The following OLFM3 variants were observed in gnomAD, a reference collection of about 807,000 sequenced individuals.
OLFM3 encodes noelin-3.
OLFM3 carries 20 observed loss-of-function variants against 48.6 expected under a neutral mutation model. That is an observed-to-expected ratio of 0.41 (90% CI 0.29 to 0.60). The LOEUF (loss-of-function observed/expected upper bound fraction) is 0.60. Among genes scored for constraint, OLFM3 ranks in the 20% least tolerant of loss-of-function variants. OLFM3 has a pLI of 0.28. For missense variants in OLFM3, 437 were observed against 544.3 expected, an observed-to-expected ratio of 0.80 and a Z score of 1.96; for synonymous variants, 222 against 198.1, an observed-to-expected ratio of 1.12 and a Z score of -1.01.
At chr1:101,902,108 G>T (rs373096510) in intron 1 of OLFM3, among the ~76,000 whole-genome samples, 2 of 151,806 alleles carry the variant, frequency 1.3e-5, no homozygotes, top group Non-Finnish European at 2.9e-5. Context: ...ATATAGAAAA[G>T]GAATAAATTT....
At chr1:101,868,793 G>C (rs1656958107) in intron 1 of OLFM3, among the ~76,000 whole-genome samples, 1 of 152,192 alleles carries the variant, frequency 6.6e-6, no homozygotes, top group Non-Finnish European at 1.5e-5. Flanking sequence ...GCAGCCTTGG[G>C]ACAAGGTTCC....
intron 4 of OLFM3, among the ~76,000 whole-genome samples, chr1:101,818,125 C>T (rs1307052171): frequency 6.6e-6 from 1 of 152,032 alleles, no homozygotes; most frequent in Non-Finnish European, 1.5e-5. Context: ...TTTACCTTTT[C>T]TGGGATTAAG....
chr1:101,836,248 T>C (rs1208273904), intron 2 of OLFM3, among the ~76,000 whole-genome samples: 1 of 152,212 alleles, frequency 6.6e-6, no homozygotes. Flanking sequence ...GATTCATTGG[T>C]TTTCCTCCCT....
At chr1:101,948,457 G>C (rs1208460337) in intron 1 of OLFM3, among the ~76,000 whole-genome samples, 1 of 146,430 alleles carries the variant, frequency 6.8e-6, no homozygotes, top group African/African-American at 2.8e-5. Flanking sequence ...TTGTATGAGA[G>C]AGAGAGAGAG....
At chr1:101,868,250 T>A (rs574840682) in intron 1 of OLFM3, among the ~76,000 whole-genome samples, 1 of 152,256 alleles carries the variant, frequency 6.6e-6, no homozygotes, top group South Asian at 2.1e-4. Flanking sequence ...TTGGAACAGT[T>A]GGAGGGCTCA....
chr1:101,949,812 C>T (rs1226215385), intron 1 of OLFM3, among the ~76,000 whole-genome samples: 1 of 151,624 alleles, frequency 6.6e-6, no homozygotes, highest in Admixed American at 6.6e-5. Flanking sequence ...CACCTGTAGT[C>T]CCAGCTACTC....
At chr1:101,859,628 A>G (rs1253659015) in intron 1 of OLFM3, among the ~76,000 whole-genome samples, 1 of 152,134 alleles carries the variant, frequency 6.6e-6, no homozygotes, top group African/African-American at 2.4e-5. Flanking sequence ...CCAAAATCCA[A>G]AATGCTCCAG....
chr1:101,962,058 C>A (rs888022365), intron 1 of OLFM3, among the ~76,000 whole-genome samples: 5 of 152,060 alleles, frequency 3.3e-5, no homozygotes, highest in African/African-American at 1.2e-4. Context: ...TTTCCGCTTG[C>A]CGTGTAATAG....
intron 1 of OLFM3, among the ~76,000 whole-genome samples, chr1:101,855,481 C>A (rs996370028): frequency 6.6e-6 from 1 of 151,996 alleles, no homozygotes; most frequent in Non-Finnish European, 1.5e-5. Flanking sequence ...AAAAAATAGC[C>A]AATATTGATT....
At chr1:101,929,079 C>T (rs1345767016) in intron 1 of OLFM3, among the ~76,000 whole-genome samples, 3 of 152,136 alleles carry the variant, frequency 2.0e-5, no homozygotes, top group Non-Finnish European at 4.4e-5. Flanking sequence ...CAAACTGTCA[C>T]ATGCTTTCTA....
intron 1 of OLFM3, among the ~76,000 whole-genome samples, chr1:101,838,974 A>G (rs905092884): frequency 6.6e-6 from 1 of 152,176 alleles, no homozygotes; most frequent in African/African-American, 2.4e-5. Context: ...TGAAAGCTTT[A>G]ATGATAACTA....
At chr1:101,875,125 T>A (rs114645368) in intron 1 of OLFM3, among the ~76,000 whole-genome samples, 1,718 of 152,172 alleles carry the variant, frequency 0.011, 30 homozygotes, top group African/African-American at 0.038. Context: ...AAAAATTAAA[T>A]GATTCTGTAT....
chr1:101,843,423 A>G (rs1655827622), intron 1 of OLFM3, among the ~76,000 whole-genome samples: 1 of 152,164 alleles, frequency 6.6e-6, no homozygotes, highest in South Asian at 2.1e-4. Context: ...CATTCAAGAG[A>G]CGCGCCAGAG....
In OLFM3 at chr1:101,996,836, C is replaced by T. The variant is rs1290486109; in HGVS notation, c.-20G>A. ...CTGCATTCTGATCTGGGTTTTTGCC[C>T]CTCTTTACTCTCTTTTATGTAGGCT... On this transcript the variant is annotated 5_prime_UTR_variant, in exon 1 of 6. Transcript: ENST00000370103. The T allele has an allele frequency of 6.2e-7, 1 of 1,613,604 alleles. No individual in the cohort carries two copies. The highest frequency in any genetic ancestry group is 8.5e-7 in the Non-Finnish European group (1 of 1,179,694).
chr1:101,925,046 T>C (rs1453372999), intron 1 of OLFM3, among the ~76,000 whole-genome samples: 1 of 152,158 alleles, frequency 6.6e-6, no homozygotes, highest in Non-Finnish European at 1.5e-5. Context: ...AATTTATGTT[T>C]AAATTAATGA....
intron 1 of OLFM3, among the ~76,000 whole-genome samples, chr1:101,977,525 T>A (rs1162127251): frequency 6.6e-6 from 1 of 152,256 alleles, no homozygotes; most frequent in East Asian, 1.9e-4. Context: ...ATTTCAGAAC[T>A]GGGAGGGACA....
intron 1 of OLFM3, among the ~76,000 whole-genome samples, chr1:101,849,040 G>A (rs974767644): frequency 2.0e-5 from 3 of 152,164 alleles, no homozygotes; most frequent in African/African-American, 7.2e-5. Flanking sequence ...ATTTTCCAGA[G>A]ATGCAAATTA....
At position 101,804,933 on chromosome 1, in the gene OLFM3, A is replaced by G. The variant is rs750915096; in HGVS notation, c.700-18T>C. ...TACCAGACCTGAGAAGAAGGAAAAAAATAAATGGAGTGACTAAATTCTGTA... is the reference window on the plus strand; with the variant it reads ...TACCAGACCTGAGAAGAAGGAAAAAGATAAATGGAGTGACTAAATTCTGTA... On this transcript the variant is annotated intron_variant, in intron 5 of 5. Transcript: ENST00000370103. This position sits in a 1 kb window ranked among gnomAD's most constrained non-coding sequence, Gnocchi z 4.5. 2 of 1,575,010 alleles carry G rather than the reference A, an allele frequency of 1.3e-6. No individual in the cohort carries two copies. Among genetic ancestry groups the G allele is most frequent in the Admixed American group, 1.8e-5 (1 of 57,104 alleles).
intron 1 of OLFM3, among the ~76,000 whole-genome samples, chr1:101,917,308 TAAGC>T (rs1372321751): frequency 1.3e-5 from 2 of 152,214 alleles, no homozygotes; most frequent in Non-Finnish European, 2.9e-5. Flanking sequence ...TTTTGTGTAA[TAAGC>T]AAACTGTTTT....
Sources: allele counts gnomAD v4.1 joint callset (sites outside exome capture counted in the v4.1 genomes callset), GRCh38; gene constraint gnomAD v4.1.1; non-coding constraint Gnocchi (gnomAD v3.1); transcripts MANE v1.5; gene names NCBI Gene and HGNC (gene_info 2026-07-23, HGNC 2026-07-21).